The following SLC2A13 variants were observed in gnomAD, a reference collection of about 807,000 sequenced individuals.
SLC2A13 encodes solute carrier family 2 member 13, also known as proton myo-inositol cotransporter.
Under a neutral mutation model 64.4 loss-of-function variants are expected in SLC2A13, and 32 were observed. The ratio of observed to expected loss-of-function variants is 0.50; its 90% CI spans 0.37 to 0.67. SLC2A13 has a LOEUF of 0.67. SLC2A13 is among the 30% of genes least tolerant of loss of function. The pLI, the probability that SLC2A13 is intolerant of heterozygous loss-of-function variation, is 0.00. For synonymous variants in SLC2A13, 338 were observed against 327.1 expected, an observed-to-expected ratio of 1.03 and a Z score of -0.36; for missense variants, 743 against 829.2, an observed-to-expected ratio of 0.90 and a Z score of 1.28.
At position 40,069,401 on chromosome 12, in the gene SLC2A13, A is replaced by T. The variant is rs534007137; in HGVS notation, c.557-21191T>A. 6.8e-4 allele frequency among the ~76,000 whole-genome samples: 104 copies of T among 152,248 alleles called. 1 individual carries two copies. Among genetic ancestry groups the T allele is most frequent in the Admixed American group, 1.8e-3 (27 of 15,294 alleles). ...TTTATCTCTCTTTTGCATCCACTCA[A>T]TAAAAAAAAATTGGGTGAAAACTAT... On this transcript the variant is annotated intron_variant, in intron 1 of 9. Transcript: ENST00000280871.
chr12:40,078,458 G>C (rs1397434552), intron 1 of SLC2A13, among the ~76,000 whole-genome samples: 6 of 152,152 alleles, frequency 3.9e-5, no homozygotes, highest in Non-Finnish European at 4.4e-5. Context: ...TCCATATGTT[G>C]AATCAACCTT....
chr12:40,003,005 C>T (rs749749389), intron 3 of SLC2A13, among the ~76,000 whole-genome samples: 1 of 152,150 alleles, frequency 6.6e-6, no homozygotes, highest in Non-Finnish European at 1.5e-5. Context: ...TCACGCTAGG[C>T]GTATTGGTCA....
chr12:39,775,244 G>A (rs1940735137), intron 7 of SLC2A13, among the ~76,000 whole-genome samples: 1 of 152,218 alleles, frequency 6.6e-6, no homozygotes, highest in Non-Finnish European at 1.5e-5. Context: ...TCATTTTAAA[G>A]TAAATTGGGC....
intron 7 of SLC2A13, among the ~76,000 whole-genome samples, chr12:39,778,797 A>G (rs909585561): frequency 6.6e-6 from 1 of 152,188 alleles, no homozygotes; most frequent in African/African-American, 2.4e-5. Flanking sequence ...AATACCAATG[A>G]CTGAAAAACA....
At position 39,756,948 on chromosome 12, in the gene SLC2A13, G is replaced by A. The variant is rs1412544260; in HGVS notation, c.*3078C>T. 6.6e-6 allele frequency: 1 copy of A among 151,278 alleles called. No homozygotes were observed. The highest frequency in any genetic ancestry group is 1.5e-5 in the Non-Finnish European group (1 of 67,594). The allele number at this position is 151,278 out of a possible 1,614,324, so 9.4% of individuals were successfully genotyped here. On this transcript the variant is annotated 3_prime_UTR_variant, in exon 10 of 10. Coordinates refer to ENST00000280871, the MANE Select transcript of SLC2A13 (RefSeq NM_052885.4). ...ATGGCTGGGAACAAAATTTAAAATG[G>A]ACACATTACCTTTTATTATTTATTA...
chr12:39,964,231 T>C (rs948271688), intron 3 of SLC2A13, among the ~76,000 whole-genome samples: 1 of 152,228 alleles, frequency 6.6e-6, no homozygotes, highest in Non-Finnish European at 1.5e-5. Context: ...TTTTCTATTC[T>C]TCTATTACCT....
chr12:39,950,772 T>G (rs1198870992), intron 4 of SLC2A13: 1 of 153,908 alleles, frequency 6.5e-6, no homozygotes, highest in African/African-American at 2.4e-5. Context: ...CTCACTCTCC[T>G]TCCCACTCAA....
chr12:39,824,029 A>G (rs1288875077), intron 7 of SLC2A13, among the ~76,000 whole-genome samples: 2 of 152,208 alleles, frequency 1.3e-5, no homozygotes, highest in African/African-American at 4.8e-5. Flanking sequence ...TGATAATTTT[A>G]AACCCTTATA....
chr12:39,829,392 C>CTTTATTTTTTTT (rs1942787028), intron 7 of SLC2A13: 1 of 65,796 alleles, frequency 1.5e-5, no homozygotes, highest in Admixed American at 2.3e-4. Flanking sequence ...GATAGTAATT[C>CTTTATTTTTTTT]TTTTTTTTTT....
chr12:40,037,737 C>G (rs1008407310), intron 2 of SLC2A13, among the ~76,000 whole-genome samples: 2 of 151,590 alleles, frequency 1.3e-5, no homozygotes, highest in Non-Finnish European at 2.9e-5. Flanking sequence ...CTCAAATTTT[C>G]CATTTCATGT....
At chr12:39,848,434 A>C (rs992472433) in intron 6 of SLC2A13, among the ~76,000 whole-genome samples, 1 of 152,188 alleles carries the variant, frequency 6.6e-6, no homozygotes, top group African/African-American at 2.4e-5. Context: ...ATTCCATATC[A>C]CTAATCATTA....
intron 7 of SLC2A13, among the ~76,000 whole-genome samples, chr12:39,796,596 C>T (rs1430402901): frequency 6.6e-6 from 1 of 151,942 alleles, no homozygotes; most frequent in Non-Finnish European, 1.5e-5. Context: ...CTGGCAGAAG[C>T]TAGAAAGTAT....
chr12:39,855,157 G>C (rs992998192), intron 6 of SLC2A13, among the ~76,000 whole-genome samples: 1 of 152,144 alleles, frequency 6.6e-6, no homozygotes, highest in African/African-American at 2.4e-5. Context: ...TATGGTATTA[G>C]ACTTGCGGCT....
chr12:39,975,394 C>T (rs1013160397), intron 3 of SLC2A13, among the ~76,000 whole-genome samples: 6 of 152,200 alleles, frequency 3.9e-5, no homozygotes, highest in African/African-American at 1.4e-4. Flanking sequence ...AATTCAGACA[C>T]TCTAAGTTCA....
chr12:40,105,208 G>T lies in SLC2A13; in HGVS notation c.556+45C>A, dbSNP rs1184079381. 2 of 1,502,780 alleles carry T rather than the reference G, an allele frequency of 1.3e-6. No individual in the cohort carries two copies. Among genetic ancestry groups the T allele is most frequent in the Non-Finnish European group, 8.9e-7 (1 of 1,129,024 alleles). 93.1% of individuals were successfully genotyped at this position (1,502,780 alleles called of 1,614,324 possible). A position where few individuals can be genotyped will look rare whatever the true frequency, so the allele number is the denominator to read the frequency against. ...GCACGCAACACCCAGGGTCAAGGGC[G>T]GTGACAATGGGATCCCGGGCGCCCT... is the stretch of plus-strand genomic sequence containing the variant. On this transcript the variant is annotated intron_variant, in intron 1 of 9. Coordinates refer to ENST00000280871, the MANE Select transcript of SLC2A13 (RefSeq NM_052885.4). This position sits in a 1 kb window ranked among gnomAD's most constrained non-coding sequence, Gnocchi z 4.2.
chr12:39,963,717 A>T (rs1946456055), intron 3 of SLC2A13, among the ~76,000 whole-genome samples: 1 of 152,174 alleles, frequency 6.6e-6, no homozygotes, highest in South Asian at 2.1e-4. Context: ...AACATTAATC[A>T]TTTGCTTGGT....
At chr12:40,100,892 G>A (rs1279287762) in intron 1 of SLC2A13, among the ~76,000 whole-genome samples, 1 of 149,970 alleles carries the variant, frequency 6.7e-6, no homozygotes, top group Non-Finnish European at 1.5e-5. Flanking sequence ...TTGAACCTGG[G>A]AGGTGGGGGT....
intron 3 of SLC2A13, among the ~76,000 whole-genome samples, chr12:40,003,426 G>A (rs1295541782): frequency 1.3e-5 from 2 of 152,156 alleles, no homozygotes; most frequent in African/African-American, 2.4e-5. Flanking sequence ...AAGTGAGTGG[G>A]CGCTGATGGC....
intron 7 of SLC2A13, among the ~76,000 whole-genome samples, chr12:39,769,227 C>A (rs1940472193): frequency 6.6e-6 from 1 of 152,044 alleles, no homozygotes; most frequent in Non-Finnish European, 1.5e-5. Flanking sequence ...TCAACTATTG[C>A]CTCAATTAAT....
Sources: gnomAD v4.1 joint callset for allele counts (sites outside exome capture counted in the v4.1 genomes callset) on GRCh38, gnomAD v4.1.1 for gene constraint, Gnocchi (gnomAD v3.1) non-coding constraint, MANE v1.5 for transcripts, NCBI Gene and HGNC (gene_info 2026-07-23, HGNC 2026-07-21) for gene names.